Variants in SOX6 observed in about 807,000 individuals in gnomAD.
SOX6 encodes transcription factor SOX-6.
Under a neutral mutation model 97.8 loss-of-function variants are expected in SOX6, and 11 were observed. The ratio of observed to expected loss-of-function variants is 0.11; its 90% CI spans 0.07 to 0.19. The LOEUF is 0.19. Among genes scored for constraint, SOX6 ranks in the 10% least tolerant of loss-of-function variants. The pLI is 1.00. For synonymous variants in SOX6, 360 were observed against 371.4 expected (o/e 0.97, Z 0.35); for missense variants, 810 against 1,039.5 (o/e 0.78, Z 3.04).
At chr11:16,184,069 T>C (rs1486657682) in intron 5 of SOX6, 115 bp from the exon 6 acceptor site, 5 of 958,416 alleles carry the variant, frequency 5.2e-6, no homozygotes, top group Non-Finnish European at 8.1e-6. Context: ...TGTGAAAGAG[T>C]TCCTATAAAA....
At chr11:16,327,318 T>A (rs1856130778) in intron 2 of SOX6, among the ~76,000 whole-genome samples, 1 of 152,160 alleles carries the variant, frequency 6.6e-6, no homozygotes, top group African/African-American at 2.4e-5. Flanking sequence ...CTACTCTTAT[T>A]AAATACAAAT....
chr11:16,281,394 A>G (rs910696151), intron 3 of SOX6, among the ~76,000 whole-genome samples: 7 of 152,066 alleles, frequency 4.6e-5, no homozygotes, highest in African/African-American at 1.7e-4. Context: ...ATGAATTACC[A>G]TTGAAGATAT....
rs569976518 is a variant in SOX6 at position 16,427,321 on chromosome 11, G to A, written c.-5+48994C>T. 8.0e-3 allele frequency among the ~76,000 whole-genome samples: 557 copies of A among 69,380 alleles called. 3 individuals carry two copies. The highest frequency in any genetic ancestry group is 0.028 in the African/African-American group (489 of 17,474). 45.5% of individuals were successfully genotyped at this position (69,380 alleles called of 152,430 possible). A position where few individuals can be genotyped will look rare whatever the true frequency, so the allele number is the denominator to read the frequency against. On this transcript the variant is annotated intron_variant, in intron 1 of 15. Transcript: ENST00000396356. ...AAAAGTGTGCAACGGACATGACCAT[G>A]CACTTTTCTTTTTTTTTTTTAATTA...
chr11:16,146,841 A>G (rs1346980879), intron 6 of SOX6, among the ~76,000 whole-genome samples: 1 of 152,228 alleles, frequency 6.6e-6, no homozygotes, highest in Non-Finnish European at 1.5e-5. Context: ...ATCATTAAAA[A>G]GTCAGGAAAC....
intron 2 of SOX6, among the ~76,000 whole-genome samples, chr11:16,330,913 T>TA (rs747679298): frequency 2.0e-4 from 31 of 151,608 alleles, no homozygotes; most frequent in South Asian, 6.2e-4. Context: ...GGCCCCCAGA[T>TA]AAAAAAAGAA....
At chr11:16,272,099 AAC>A (rs1261181559) in intron 3 of SOX6, among the ~76,000 whole-genome samples, 1 of 151,458 alleles carries the variant, frequency 6.6e-6, no homozygotes, top group Non-Finnish European at 1.5e-5. Context: ...CCTTTTATTT[AAC>A]AGTTTTTAGT....
intron 4 of SOX6, among the ~76,000 whole-genome samples, chr11:16,600,373 G>A (rs1422724108): frequency 6.6e-6 from 1 of 152,118 alleles, no homozygotes; most frequent in African/African-American, 2.4e-5. Context: ...AAAAAGAATG[G>A]CTAATATTGG....
At chr11:16,547,727 G>A (rs764006607) in intron 4 of SOX6, among the ~76,000 whole-genome samples, 3 of 152,102 alleles carry the variant, frequency 2.0e-5, no homozygotes, top group Non-Finnish European at 4.4e-5. Context: ...GCAAAGTAGA[G>A]TGATTATCAT....
Position 16,132,486 on chromosome 11 carries a change from A to G in SOX6, c.778-20563T>C, listed in dbSNP as rs1283687807. ...AAAGAAAGAAAGAAAGAAAGAAAGA[A>G]AGAAAGAAAGAAAGAAAGAAAGCTT... On this transcript the variant is annotated intron_variant, in intron 6 of 15. Transcript: ENST00000683767. 3.4e-5 allele frequency among the ~76,000 whole-genome samples: 5 copies of G among 148,878 alleles called. 1 individual carries two copies. In the East Asian group the frequency reaches 7.9e-4, roughly 24 times the overall value.
intron 1 of SOX6, among the ~76,000 whole-genome samples, chr11:16,457,129 A>G (rs892832202): frequency 6.6e-6 from 1 of 152,080 alleles, no homozygotes; most frequent in Non-Finnish European, 1.5e-5. Flanking sequence ...GCTGCCTATA[A>G]ATAGAAGCAT....
chr11:16,402,410 G>C (rs1375968735), intron 1 of SOX6, among the ~76,000 whole-genome samples: 1 of 151,626 alleles, frequency 6.6e-6, no homozygotes, highest in Non-Finnish European at 1.5e-5. Flanking sequence ...AATAACGTGA[G>C]AAAGCTAAAA....
rs572726374 is a variant in SOX6, at chr11:15,967,927, C to T, written c.*4882G>A. ...ACCCTTACCTCTGCCCCAAAGGTAC[C>T]AGCATTCCAAATATTTGTTCATGAG... On this transcript the variant is annotated 3_prime_UTR_variant, in exon 16 of 16. Coordinates refer to ENST00000683767, the MANE Select transcript of SOX6 (RefSeq NM_001367873.1). 310 of 142,812 alleles carry T rather than the reference C, an allele frequency of 2.2e-3. 1 individual carries two copies. The highest frequency in any genetic ancestry group is 7.6e-3 in the African/African-American group (298 of 39,250). 8.8% of individuals were successfully genotyped at this position (142,812 alleles called of 1,614,324 possible). A position where few individuals can be genotyped will look rare whatever the true frequency, so the allele number is the denominator to read the frequency against.
intron 3 of SOX6, among the ~76,000 whole-genome samples, chr11:16,235,614 T>G (rs1355735280): frequency 6.6e-6 from 1 of 152,140 alleles, no homozygotes; most frequent in African/African-American, 2.4e-5. Context: ...ACATTCCAAG[T>G]GTCAAAATTC....
At chr11:16,266,791 A>G (rs1223028257) in intron 3 of SOX6, among the ~76,000 whole-genome samples, 1 of 151,620 alleles carries the variant, frequency 6.6e-6, no homozygotes, top group Non-Finnish European at 1.5e-5. Context: ...GTCATAGCTA[A>G]TAAACCAGCA....
chr11:16,132,488 G>GAA (rs1380731937), intron 6 of SOX6, among the ~76,000 whole-genome samples: 1 of 148,308 alleles, frequency 6.7e-6, no homozygotes, highest in Non-Finnish European at 1.5e-5. Flanking sequence ...AAGAAAGAAA[G>GAA]AAAGAAAGAA....
chr11:16,593,167 G>C (rs1331525570), intron 4 of SOX6, among the ~76,000 whole-genome samples: 1 of 151,892 alleles, frequency 6.6e-6, no homozygotes, highest in Non-Finnish European at 1.5e-5. Context: ...ACACAGAAAT[G>C]AAAAATATAA....
intron 3 of SOX6, among the ~76,000 whole-genome samples, chr11:16,275,226 G>C (rs1854361551): frequency 6.6e-6 from 1 of 151,114 alleles, no homozygotes; most frequent in African/African-American, 2.4e-5. Context: ...CGGATCACGA[G>C]GTCAGGAGAC....
intron 12 of SOX6, among the ~76,000 whole-genome samples, chr11:16,034,842 G>T (rs899137722): frequency 3.3e-5 from 5 of 152,000 alleles, no homozygotes; most frequent in Non-Finnish European, 1.5e-5. Flanking sequence ...AATGCAGAGA[G>T]GTGCACACTG....
chr11:16,559,122 T>A (rs537645999), intron 4 of SOX6, among the ~76,000 whole-genome samples: 1 of 152,152 alleles, frequency 6.6e-6, no homozygotes, highest in South Asian at 2.1e-4. Flanking sequence ...ACTTGCTGTA[T>A]GAAGCAGGGA....
Sources: allele counts gnomAD v4.1 joint callset (sites outside exome capture counted in the v4.1 genomes callset), GRCh38; gene constraint gnomAD v4.1.1; transcripts MANE v1.5; gene names NCBI Gene and HGNC (gene_info 2026-07-23, HGNC 2026-07-21).